The following ANKRD30B variants were observed in gnomAD, a reference collection of about 807,000 sequenced individuals.
The protein encoded by ANKRD30B is ankyrin repeat domain 30B.
Under a neutral mutation model 202.2 loss-of-function variants are expected in ANKRD30B, and 144 were observed. The ratio of observed to expected loss-of-function variants is 0.71; its 90% confidence interval spans 0.62 to 0.82. ANKRD30B has a LOEUF of 0.82. Ranked by LOEUF, ANKRD30B falls within the 40% of genes least tolerant of loss-of-function variation. The probability of loss-of-function intolerance (pLI) is 0.00; values close to 1 mark genes in which losing one functional copy is unlikely to be tolerated. For synonymous variants in ANKRD30B, 508 were observed against 561.3 expected (o/e 0.91, Z 1.34); for missense variants, 1,487 against 1,669.1 (o/e 0.89, Z 1.90).
rs1404040659 is a variant in ANKRD30B at position 14,791,602 on chromosome 18, A to G, written c.1825+111A>G. On this transcript the variant is annotated intron_variant, in intron 16 of 43. Coordinates refer to ENST00000690538, the MANE Select transcript of ANKRD30B (RefSeq NM_001367607.2). ...AAATTACCTCCTTAATGCAAAGCAC[A>G]GAAAAAAGAGAAGTGAAACGGTGAT... 6.3e-6 allele frequency: 5 copies of G among 792,796 alleles called. No homozygotes were observed. In the East Asian group the frequency reaches 8.4e-5, roughly 13 times the overall value. 49.1% of individuals were successfully genotyped at this position (792,796 alleles called of 1,614,324 possible). A position where few individuals can be genotyped will look rare whatever the true frequency, so the allele number is the denominator to read the frequency against.
At chr18:14,868,044 G>T in the ANKRD30B span, among the ~76,000 whole-genome samples, 1 of 152,222 alleles carries the variant, frequency 6.6e-6, no homozygotes, top group African/African-American at 2.4e-5. Flanking sequence ...TGGTGATGGA[G>T]ACGGCAGCTC....
chr18:14,869,755 T>C, the ANKRD30B span, among the ~76,000 whole-genome samples: 2 of 151,842 alleles, frequency 1.3e-5, no homozygotes, highest in Admixed American at 6.6e-5. Flanking sequence ...CTAAAAGTTA[T>C]AAAATGCTTT....
chr18:14,868,108 G>A, the ANKRD30B span, among the ~76,000 whole-genome samples: 2 of 152,280 alleles, frequency 1.3e-5, no homozygotes, highest in Non-Finnish European at 2.9e-5. Context: ...AGCCTTGGAG[G>A]GTGGGCAGGT....
At chr18:14,826,378 G>A (rs1431121491) in intron 32 of ANKRD30B, among the ~76,000 whole-genome samples, 1 of 152,150 alleles carries the variant, frequency 6.6e-6, no homozygotes, top group Non-Finnish European at 1.5e-5. Flanking sequence ...TAACTTACAA[G>A]TTCTACAGTG....
chr18:14,752,670 C>T lies in ANKRD30B; in HGVS notation c.326C>T (p.Pro109Leu), dbSNP rs779726394. ...GTCCTTGATGGCGAAGGGAGGACAC[C>T]TCTGATGAAGGTAAATAGTAGCCAG... ...LNVLDGEGRT[P>L]LMKALQCERE... Residue 109 changes from proline to leucine, a missense_variant, in exon 2 of 44, where the codon CCT (proline) becomes CTT (leucine). Physicochemically the swap from Pro to Leu is moderately conservative, Grantham distance 98. Coordinates refer to ENST00000690538, the MANE Select transcript of ANKRD30B (RefSeq NM_001367607.2). The T allele has an allele frequency of 3.1e-6, 5 of 1,602,562 alleles. No individual in the cohort carries two copies. The African/African-American group carries it at 6.7e-5, about 21-fold the overall frequency.
intron 7 of ANKRD30B, among the ~76,000 whole-genome samples, chr18:14,765,444 C>G (rs1430925649): frequency 6.9e-6 from 1 of 145,158 alleles, no homozygotes; most frequent in African/African-American, 2.6e-5. Flanking sequence ...GCCTGGGTGA[C>G]AGAGCAACAC....
intron 28 of ANKRD30B, 100 bp downstream of exon 28, chr18:14,810,280 T>G: frequency 1.3e-6 from 1 of 779,454 alleles, no homozygotes; most frequent in Non-Finnish European, 1.9e-6. Context: ...TTTTGAAAAT[T>G]TGATGGGAAA....
At chr18:14,937,951 A>G in the ANKRD30B span, among the ~76,000 whole-genome samples, 14 of 152,272 alleles carry the variant, frequency 9.2e-5, no homozygotes, top group South Asian at 1.2e-3. Context: ...ACATCCTCCC[A>G]TCAAACAAGG....
downstream of ANKRD30B, among the ~76,000 whole-genome samples, chr18:14,855,138 T>C (rs1972043960): frequency 1.3e-5 from 2 of 152,160 alleles, no homozygotes; most frequent in African/African-American, 2.4e-5. Context: ...CAAGCATCTG[T>C]TTAACAAAGC....
At chr18:14,903,952 T>C in the ANKRD30B span, among the ~76,000 whole-genome samples, 1 of 152,224 alleles carries the variant, frequency 6.6e-6, no homozygotes, top group Admixed American at 6.5e-5. Context: ...CTACATTTGA[T>C]ATATACTTGT....
At chr18:14,884,392 G>T in the ANKRD30B span, among the ~76,000 whole-genome samples, 1 of 152,086 alleles carries the variant, frequency 6.6e-6, no homozygotes, top group Non-Finnish European at 1.5e-5. Flanking sequence ...CAAAAACACT[G>T]TGCTGAACTG....
chr18:14,792,299 AG>A (rs1968569562), intron 16 of ANKRD30B, among the ~76,000 whole-genome samples: 1 of 152,174 alleles, frequency 6.6e-6, no homozygotes, highest in South Asian at 2.1e-4. Context: ...ATTGGGTAGA[AG>A]GTCAGGACAG....
intron 6 of ANKRD30B, among the ~76,000 whole-genome samples, chr18:14,763,264 A>G (rs946587204): frequency 6.6e-6 from 1 of 152,154 alleles, no homozygotes; most frequent in African/African-American, 2.4e-5. Flanking sequence ...AATGTTTGGT[A>G]GTGTCCAGGC....
At chr18:14,868,532 C>G in the ANKRD30B span, among the ~76,000 whole-genome samples, 1 of 152,270 alleles carries the variant, frequency 6.6e-6, no homozygotes, top group East Asian at 1.9e-4. Flanking sequence ...GCTTTCTTGG[C>G]AAGCTGTGTG....
intron 34 of ANKRD30B, among the ~76,000 whole-genome samples, chr18:14,834,365 G>A (rs1598699251): frequency 6.6e-6 from 1 of 152,014 alleles, no homozygotes; most frequent in East Asian, 1.9e-4. Context: ...ATTAGATGAA[G>A]GGGATAATAG....
In ANKRD30B at chr18:14,779,970, C is replaced by G. The variant is rs9675365; in HGVS notation, c.1431C>G (p.Phe477Leu). 0.5 allele frequency: 789,666 copies of G among 1,576,128 alleles called. 188,930 individuals carry two copies. The highest frequency in any genetic ancestry group is 0.52 in the Non-Finnish European group (595,116 of 1,153,552). ...TINHKIEDQM[F>L]PSESKREEDE... is the part of the protein sequence containing the mutation. Reference sequence around the variant, plus strand: ...GATTAACATTTTTAGATCAGATGTTCCCATCAGAATCCAAACGAGAGGAAG... The same window carrying G: ...GATTAACATTTTTAGATCAGATGTTGCCATCAGAATCCAAACGAGAGGAAG... Residue 477 changes from phenylalanine to leucine, a missense_variant, in exon 11 of 44, where the codon TTC becomes TTG. Phe to Leu is a conservative substitution (Grantham distance 22). Transcript: ENST00000690538.
chr18:14,893,508 G>C, the ANKRD30B span, among the ~76,000 whole-genome samples: 1 of 152,158 alleles, frequency 6.6e-6, no homozygotes, highest in African/African-American at 2.4e-5. Context: ...TTACTCGGGA[G>C]GCTGAGTCAG....
At chr18:14,839,187 A>G (rs368083870) in intron 36 of ANKRD30B, among the ~76,000 whole-genome samples, 4 of 152,228 alleles carry the variant, frequency 2.6e-5, no homozygotes, top group African/African-American at 9.6e-5. Flanking sequence ...GAGAATAACA[A>G]ATGAAAAACA....
chr18:14,795,198 G>C (rs1968792463), intron 16 of ANKRD30B, among the ~76,000 whole-genome samples: 1 of 152,168 alleles, frequency 6.6e-6, no homozygotes, highest in Non-Finnish European at 1.5e-5. Flanking sequence ...TTCATATCAG[G>C]TGTTTTTTCT....
Sources: gnomAD v4.1 joint callset for allele counts (sites outside exome capture counted in the v4.1 genomes callset) on GRCh38, gnomAD v4.1.1 for gene constraint, MANE v1.5 for transcripts, NCBI Gene and HGNC (gene_info 2026-07-23, HGNC 2026-07-21) for gene names.